The following RBMS3 variants were observed in gnomAD, a reference collection of about 807,000 sequenced individuals.
The protein encoded by RBMS3 is RNA binding motif single stranded interacting protein 3.
Under a neutral mutation model 66.8 loss-of-function variants are expected in RBMS3, and 27 were observed. The observed-to-expected ratio is 0.40, with a 90% CI of 0.30 to 0.56. The LOEUF is 0.56. Among genes scored for constraint, RBMS3 ranks in the 20% least tolerant of loss-of-function variants. The probability of loss-of-function intolerance (pLI) is 0.40; values close to 1 mark genes in which losing one functional copy is unlikely to be tolerated. For synonymous variants in RBMS3, 188 were observed against 183.0 expected (o/e 1.03, Z -0.22); for missense variants, 513 against 549.5 (o/e 0.93, Z 0.66).
At chr3:29,493,429 T>C (rs936614389) in intron 3 of RBMS3, among the ~76,000 whole-genome samples, 1 of 152,172 alleles carries the variant, frequency 6.6e-6, no homozygotes, top group Non-Finnish European at 1.5e-5. Context: ...AGCAAAGTAA[T>C]AACAGAGCCT....
intron 6 of RBMS3, among the ~76,000 whole-genome samples, chr3:29,780,460 AAT>A (rs2056591658): frequency 6.6e-6 from 1 of 152,130 alleles, no homozygotes; most frequent in South Asian, 2.1e-4. Context: ...TCTTAAAAAT[AAT>A]AGTTTACTTT....
At chr3:29,651,233 T>C (rs567095870) in intron 4 of RBMS3, among the ~76,000 whole-genome samples, 15 of 152,286 alleles carry the variant, frequency 9.8e-5, no homozygotes, top group African/African-American at 3.4e-4. Flanking sequence ...CCTGAGGGAA[T>C]TAATACATGT....
chr3:29,581,099 C>T (rs1559485436), intron 3 of RBMS3, among the ~76,000 whole-genome samples: 1 of 152,116 alleles, frequency 6.6e-6, no homozygotes, highest in Non-Finnish European at 1.5e-5. Context: ...CAGGAACTAT[C>T]TTTTGCCTTT....
intron 4 of RBMS3, among the ~76,000 whole-genome samples, chr3:29,649,511 AT>A (rs1405988152): frequency 6.6e-6 from 1 of 152,202 alleles, no homozygotes; most frequent in Non-Finnish European, 1.5e-5. Flanking sequence ...GAAGGTGTGC[AT>A]TACTTAGGCT....
At chr3:29,445,956 A>G (rs894294204) in intron 2 of RBMS3, among the ~76,000 whole-genome samples, 5 of 152,186 alleles carry the variant, frequency 3.3e-5, no homozygotes, top group South Asian at 2.1e-4. Flanking sequence ...TGCACTCATC[A>G]TAAGCATAGG....
chr3:29,623,171 TGGG>T (rs57405166), intron 4 of RBMS3, among the ~76,000 whole-genome samples: 68 of 107,964 alleles, frequency 6.3e-4, no homozygotes, highest in African/African-American at 9.8e-4. Flanking sequence ...TAAATTAACT[TGGG>T]GGGGGGGGTC....
At chr3:29,717,055 A>C (rs2053429878) in intron 4 of RBMS3, among the ~76,000 whole-genome samples, 1 of 152,046 alleles carries the variant, frequency 6.6e-6, no homozygotes. Context: ...AGGAGTTTGC[A>C]TTCTAGAGTG....
At chr3:29,917,767 T>A (rs1239420584) in intron 10 of RBMS3, among the ~76,000 whole-genome samples, 1 of 152,098 alleles carries the variant, frequency 6.6e-6, no homozygotes, top group African/African-American at 2.4e-5. Context: ...GTAAATGAAG[T>A]TATCAGTAGA....
chr3:29,771,180 A>G (rs2056183604), intron 6 of RBMS3, among the ~76,000 whole-genome samples: 1 of 152,036 alleles, frequency 6.6e-6, no homozygotes, highest in South Asian at 2.1e-4. Flanking sequence ...CTGAATGATG[A>G]ATCAATTATT....
intron 7 of RBMS3, among the ~76,000 whole-genome samples, chr3:29,882,007 A>G (rs1225344470): frequency 6.6e-6 from 1 of 152,154 alleles, no homozygotes; most frequent in Non-Finnish European, 1.5e-5. Flanking sequence ...CTCATGCACT[A>G]ATAATATCTC....
Position 29,417,596 on chromosome 3 carries a change from C to T in RBMS3, c.76-17147C>T, listed in dbSNP as rs1188519924. On this transcript the variant is annotated intron_variant, in intron 1 of 14. Coordinates refer to ENST00000383767, the MANE Select transcript of RBMS3 (RefSeq NM_001003793.3). ...CTAATTCCAGTTAAAAAGAATGTCC[C>T]CCTTTCTGCATAGCATAGTATTTGA... Among the ~76,000 whole-genome samples the T allele has an allele frequency of 5.9e-5, 9 of 152,124 alleles. No homozygotes were observed. In the South Asian group the frequency reaches 1.2e-3, roughly 21 times the overall value.
At chr3:29,326,316 C>A (rs1025741534) in intron 1 of RBMS3, among the ~76,000 whole-genome samples, 5 of 152,154 alleles carry the variant, frequency 3.3e-5, no homozygotes, top group African/African-American at 1.2e-4. Flanking sequence ...GTTCTTTCCC[C>A]AAATTATGAT....
rs1216016046 is a variant in RBMS3, at chr3:30,007,757, T to G, written c.*3895T>G. On this transcript the variant is annotated 3_prime_UTR_variant, in exon 15 of 15. Transcript: ENST00000383767. ...ACAGTCCTCTACCTGACTCTAGTTTTGCGAGGATTAGTTTGTTTCCTTGGT... is the reference window on the plus strand; with the variant it reads ...ACAGTCCTCTACCTGACTCTAGTTTGGCGAGGATTAGTTTGTTTCCTTGGT... 6.6e-6 allele frequency: 1 copy of G among 152,080 alleles called. No individual in the cohort carries two copies. The highest frequency in any genetic ancestry group is 1.9e-4 in the East Asian group (1 of 5,186). The allele number at this position is 152,080 out of a possible 1,614,324, so 9.4% of individuals were successfully genotyped here. A position where few individuals can be genotyped will look rare whatever the true frequency, so the allele number is the denominator to read the frequency against.
In RBMS3 at chr3:29,868,861, C is replaced by G. The variant is rs1232833576; in HGVS notation, c.641C>G (p.Pro214Arg). Residue 214 changes from proline to arginine, a missense_variant, in exon 7 of 15, where the codon CCC becomes CGC. By Grantham distance (103) the Pro-to-Arg change is moderately radical. Coordinates refer to ENST00000383767, the MANE Select transcript of RBMS3 (RefSeq NM_001003793.3). ...YLKTPPGIPAPSEPLLCKFAD... is the reference protein window; with the variant it reads ...YLKTPPGIPARSEPLLCKFAD... ...AATTGGTTTCTTATCTTCCCAGCCC[C>G]CAGTGAGCCTTTGCTGTGCAAATTC... 1 of 1,594,234 alleles carries G rather than the reference C, an allele frequency of 6.3e-7. No individual in the cohort carries two copies. The highest frequency in any genetic ancestry group is 8.6e-7 in the Non-Finnish European group (1 of 1,168,762).
At chr3:29,299,438 T>C (rs1256884615) in intron 1 of RBMS3, among the ~76,000 whole-genome samples, 2 of 151,852 alleles carry the variant, frequency 1.3e-5, no homozygotes, top group East Asian at 3.9e-4. Context: ...ATGAAAACAA[T>C]GATAGATTTT....
intron 14 of RBMS3, among the ~76,000 whole-genome samples, chr3:29,997,463 A>G (rs1423577804): frequency 2.0e-5 from 3 of 148,500 alleles, no homozygotes; most frequent in Non-Finnish European, 4.4e-5. Flanking sequence ...GAGACACAAC[A>G]AAAAAAGAGA....
intron 1 of RBMS3, among the ~76,000 whole-genome samples, chr3:29,400,141 C>T (rs138741212): frequency 6.6e-5 from 10 of 152,126 alleles, no homozygotes; most frequent in African/African-American, 2.4e-4. Flanking sequence ...GCTTGATAAA[C>T]CTATTGATAA....
chr3:29,405,548 C>T (rs2039983980), intron 1 of RBMS3, among the ~76,000 whole-genome samples: 1 of 152,052 alleles, frequency 6.6e-6, no homozygotes, highest in African/African-American at 2.4e-5. Context: ...TGCCATTTGC[C>T]ACATACGTGG....
chr3:29,813,495 A>G (rs146170926), intron 6 of RBMS3, among the ~76,000 whole-genome samples: 4 of 152,194 alleles, frequency 2.6e-5, no homozygotes, highest in African/African-American at 9.6e-5. Flanking sequence ...ACTTTAAAGT[A>G]GTTTTTTCCA....
Sources: allele counts gnomAD v4.1 joint callset (sites outside exome capture counted in the v4.1 genomes callset), GRCh38; gene constraint gnomAD v4.1.1; transcripts MANE v1.5; gene names NCBI Gene and HGNC (gene_info 2026-07-23, HGNC 2026-07-21).